Variants in DMD observed in about 807,000 individuals in gnomAD.
DMD encodes dystrophin.
A neutral mutation model predicts 330.1 loss-of-function variants in DMD; 63 were observed. The ratio of observed to expected loss-of-function variants is 0.19; its 90% CI spans 0.16 to 0.24. The LOEUF is 0.24. Ranked by LOEUF, DMD falls within the 10% of genes least tolerant of loss-of-function variation. DMD has a pLI of 1.00. For missense variants in DMD, 3,344 were observed against 2,684.1 expected (o/e 1.25, Z -5.43); for synonymous variants, 1,223 against 959.8 (o/e 1.27, Z -5.07).
At chrX:32,809,683 C>T (rs1160040513) in intron 6 of DMD, 72 bp from the exon 7 acceptor site, 2 of 904,440 alleles carry the variant, frequency 2.2e-6, no homozygotes, top group East Asian at 3.2e-5. Flanking sequence ...ATGAGATTTA[C>T]TTCCATGCTT....
At chrX:32,010,770 A>G (rs987098272) in intron 44 of DMD, among the ~76,000 whole-genome samples, 1 of 112,044 alleles carries the variant, frequency 8.9e-6, no homozygotes, top group Non-Finnish European at 1.9e-5. Context: ...CCATGACGGT[A>G]TTATCCTAAC....
In DMD at chrX:32,450,596, G is replaced by A. The variant is rs138837622; in HGVS notation, c.3604-1958C>T. 3.3e-3 allele frequency among the ~76,000 whole-genome samples: 363 copies of A among 110,042 alleles called. 1 individual carries two copies. The highest frequency in any genetic ancestry group is 5.4e-3 in the Non-Finnish European group (283 of 52,322). On this transcript the variant is annotated intron_variant, in intron 26 of 78. Transcript: ENST00000357033. Reference sequence around the variant, plus strand: ...ATTAGATCTTTACCCAAACCTTCTCGGATGTGTTTTGTTACCTCTATATTG... The same window carrying A: ...ATTAGATCTTTACCCAAACCTTCTCAGATGTGTTTTGTTACCTCTATATTG...
intron 2 of DMD, among the ~76,000 whole-genome samples, chrX:32,965,493 CAA>C (rs34853368): frequency 5.8e-5 from 2 of 34,631 alleles, no homozygotes; most frequent in Non-Finnish European, 5.5e-5. Context: ...GACTCTGTCT[CAA>C]AAAAAAAAAA....
chrX:32,846,908 G>A (rs141664897), intron 3 of DMD, among the ~76,000 whole-genome samples: 2,981 of 108,910 alleles, frequency 0.027, 117 homozygotes, highest in African/African-American at 0.095. Flanking sequence ...TTGGGAGGCC[G>A]AGGCAGGAAA....
At chrX:32,529,671 A>T (rs1224059299) in intron 17 of DMD, among the ~76,000 whole-genome samples, 3 of 110,657 alleles carry the variant, frequency 2.7e-5, no homozygotes, top group Non-Finnish European at 5.7e-5. Flanking sequence ...AGATACAAAA[A>T]CTGAGATCAG....
At chrX:32,003,907 G>A (rs1267564626) in intron 44 of DMD, among the ~76,000 whole-genome samples, 1 of 111,418 alleles carries the variant, frequency 9.0e-6, no homozygotes, top group African/African-American at 3.3e-5. Flanking sequence ...AAATTTTACA[G>A]ATTCAGCCAT....
intron 67 of DMD, among the ~76,000 whole-genome samples, chrX:31,200,024 C>T (rs941338080): frequency 1.8e-5 from 2 of 112,157 alleles, no homozygotes; most frequent in Admixed American, 9.4e-5. Context: ...AGGGCCAGGA[C>T]GTGGATTCCT....
chrX:32,102,093 C>T (rs1275815744), intron 44 of DMD: 1 of 111,579 alleles, frequency 9.0e-6, no homozygotes, highest in Non-Finnish European at 1.9e-5. Flanking sequence ...CTAAACGCGC[C>T]CACTCTTATC....
chrX:32,925,038 C>A (rs773958907), intron 2 of DMD, among the ~76,000 whole-genome samples: 1 of 109,051 alleles, frequency 9.2e-6, no homozygotes, highest in South Asian at 3.9e-4. Flanking sequence ...TAGAAGACAG[C>A]TCTGTGGCCG....
At chrX:32,121,898 T>C (rs2096638159) in intron 44 of DMD, among the ~76,000 whole-genome samples, 1 of 109,343 alleles carries the variant, frequency 9.1e-6, no homozygotes, top group South Asian at 3.9e-4. Context: ...TCAGATTTAT[T>C]TGATTTTTGT....
chrX:31,365,184 G>A (rs983889923), intron 60 of DMD, among the ~76,000 whole-genome samples: 2 of 107,868 alleles, frequency 1.9e-5, no homozygotes, highest in Non-Finnish European at 3.8e-5. Context: ...AAATTTTGGT[G>A]CACCCCTATC....
At chrX:32,650,897 C>T (rs937811817) in intron 9 of DMD, among the ~76,000 whole-genome samples, 14 of 111,359 alleles carry the variant, frequency 1.3e-4, no homozygotes, top group African/African-American at 3.3e-4. Context: ...TCACTTAACA[C>T]GCATTATATC....
chrX:31,730,623 T>C (rs764258511), intron 51 of DMD, among the ~76,000 whole-genome samples: 1 of 111,561 alleles, frequency 9.0e-6, no homozygotes, highest in Non-Finnish European at 1.9e-5. Context: ...GAGGTATTTA[T>C]GAAGAAATTT....
At chrX:31,721,426 C>A (rs1156594230) in intron 52 of DMD, among the ~76,000 whole-genome samples, 1 of 109,914 alleles carries the variant, frequency 9.1e-6, no homozygotes, top group Non-Finnish European at 1.9e-5. Context: ...AGAGAAAAGA[C>A]TGAAGTCCCC....
chrX:32,568,761 C>G (rs369200865), intron 15 of DMD, among the ~76,000 whole-genome samples: 1 of 110,339 alleles, frequency 9.1e-6, no homozygotes, highest in Non-Finnish European at 1.9e-5. Flanking sequence ...CAGAACTCCC[C>G]CAGGATTATT....
chrX:31,952,755 T>G (rs1174860690), intron 45 of DMD, among the ~76,000 whole-genome samples: 1 of 89,546 alleles, frequency 1.1e-5, no homozygotes, highest in African/African-American at 4.0e-5. Context: ...TGGGTCACAG[T>G]TGAACGTATC....
intron 29 of DMD, among the ~76,000 whole-genome samples, chrX:32,413,052 C>G (rs2098150214): frequency 1.8e-5 from 2 of 110,806 alleles, no homozygotes; most frequent in African/African-American, 6.6e-5. Context: ...GTACTTCTCC[C>G]TGTACCATAA....
chrX:32,195,345 GAT>G (rs1386140073), intron 44 of DMD, among the ~76,000 whole-genome samples: 1 of 111,252 alleles, frequency 9.0e-6, no homozygotes, highest in Non-Finnish European at 1.9e-5. Context: ...GGGATGGAAA[GAT>G]AGAGGAGTTA....
chrX:31,863,606 T>C (rs2093748747), intron 48 of DMD, among the ~76,000 whole-genome samples: 1 of 111,890 alleles, frequency 8.9e-6, no homozygotes, highest in African/African-American at 3.3e-5. Context: ...ATAGATTCAT[T>C]TTCAATAACT....
Sources: allele counts gnomAD v4.1 joint callset (sites outside exome capture counted in the v4.1 genomes callset), GRCh38; gene constraint gnomAD v4.1.1; transcripts MANE v1.5; gene names NCBI Gene and HGNC (gene_info 2026-07-23, HGNC 2026-07-21).